The following DIAPH3 variants were observed in gnomAD, a reference collection of about 807,000 sequenced individuals.
DIAPH3 encodes diaphanous related formin 3.
Under a neutral mutation model 144.3 loss-of-function variants are expected in DIAPH3, and 117 were observed. That is an observed-to-expected ratio of 0.81 (90% CI 0.70 to 0.95). The LOEUF is 0.95. DIAPH3 is among the 40% of genes least tolerant of loss of function. The pLI is 0.00. For synonymous variants in DIAPH3, 519 were observed against 488.9 expected (o/e 1.06, Z -0.81); for missense variants, 1,421 against 1,412.7 (o/e 1.01, Z -0.09).
chr13:60,116,471 T>C (rs1030514715), intron 2 of DIAPH3, among the ~76,000 whole-genome samples: 7 of 152,016 alleles, frequency 4.6e-5, no homozygotes, highest in Non-Finnish European at 8.8e-5. Flanking sequence ...AAAAACTGTT[T>C]TAGGAAATGG....
At chr13:59,708,125 T>C (rs1267891802) in intron 27 of DIAPH3, among the ~76,000 whole-genome samples, 1 of 152,030 alleles carries the variant, frequency 6.6e-6, no homozygotes, top group East Asian at 1.9e-4. Context: ...TGCAGCAGCA[T>C]CACCATAGCT....
chr13:59,742,723 A>AAAAG (rs1555286615), intron 27 of DIAPH3, among the ~76,000 whole-genome samples: 3 of 151,450 alleles, frequency 2.0e-5, no homozygotes, highest in Admixed American at 1.3e-4. Flanking sequence ...GAAAAGAAAG[A>AAAAG]AAAGAAAGAA....
chr13:60,122,400 C>T (rs2138153644), intron 2 of DIAPH3, among the ~76,000 whole-genome samples: 1 of 152,302 alleles, frequency 6.6e-6, no homozygotes, highest in South Asian at 2.1e-4. Flanking sequence ...GTGCTTGCAT[C>T]ATATAATATG....
At chr13:59,873,929 C>T (rs1233445211) in intron 21 of DIAPH3, among the ~76,000 whole-genome samples, 1 of 152,062 alleles carries the variant, frequency 6.6e-6, no homozygotes, top group Non-Finnish European at 1.5e-5. Context: ...GCCTCAGCCT[C>T]GCAAAGTGCT....
At chr13:59,963,230 T>C (rs1200423030) in intron 17 of DIAPH3, among the ~76,000 whole-genome samples, 3 of 152,128 alleles carry the variant, frequency 2.0e-5, no homozygotes, top group African/African-American at 7.2e-5. Context: ...ACAGAATACA[T>C]TATAAGATCA....
chr13:59,863,294 T>A (rs1004644937), intron 21 of DIAPH3, among the ~76,000 whole-genome samples: 1 of 151,672 alleles, frequency 6.6e-6, no homozygotes, highest in Non-Finnish European at 1.5e-5. Context: ...AAAAAAAAAA[T>A]CAGTCTTTTC....
intron 3 of DIAPH3, among the ~76,000 whole-genome samples, chr13:60,107,457 A>T (rs1000674348): frequency 6.6e-6 from 1 of 151,676 alleles, no homozygotes. Flanking sequence ...TGTATAATTT[A>T]AAAAAAACAC....
intron 20 of DIAPH3, among the ~76,000 whole-genome samples, chr13:59,903,649 T>C (rs929319399): frequency 3.9e-5 from 6 of 152,074 alleles, no homozygotes; most frequent in African/African-American, 1.4e-4. Context: ...CACCAAGTTA[T>C]TGATTTCTTG....
intron 21 of DIAPH3, among the ~76,000 whole-genome samples, chr13:59,864,623 A>G (rs1190774635): frequency 6.6e-6 from 1 of 152,090 alleles, no homozygotes; most frequent in Non-Finnish European, 1.5e-5. Flanking sequence ...CTTGGTCTTT[A>G]TTTGTAAGCA....
chr13:59,998,873 T>C (rs947917722), intron 9 of DIAPH3, among the ~76,000 whole-genome samples: 1 of 152,080 alleles, frequency 6.6e-6, no homozygotes, highest in Admixed American at 6.6e-5. Flanking sequence ...TCAACAATGA[T>C]CCTAAAAATA....
chr13:59,846,630 CTATT>C (rs1164937454), intron 22 of DIAPH3, among the ~76,000 whole-genome samples: 1 of 151,886 alleles, frequency 6.6e-6, no homozygotes, highest in Non-Finnish European at 1.5e-5. Flanking sequence ...AAAATCTTGA[CTATT>C]AAGTAGGTCT....
intron 20 of DIAPH3, among the ~76,000 whole-genome samples, chr13:59,888,019 T>C (rs947759192): frequency 2.6e-5 from 4 of 152,142 alleles, no homozygotes; most frequent in Non-Finnish European, 4.4e-5. Context: ...ATACCCATGA[T>C]ATTTTTCATG....
intron 25 of DIAPH3, among the ~76,000 whole-genome samples, chr13:59,785,769 T>G (rs2039001330): frequency 6.6e-6 from 1 of 152,162 alleles, no homozygotes; most frequent in Non-Finnish European, 1.5e-5. Flanking sequence ...GAAGTGGCCG[T>G]GTGATGCATT....
At chr13:59,671,134 C>T (rs2032351121) in intron 27 of DIAPH3, among the ~76,000 whole-genome samples, 1 of 152,214 alleles carries the variant, frequency 6.6e-6, no homozygotes, top group Non-Finnish European at 1.5e-5. Flanking sequence ...CAAAAACATG[C>T]ACTTAGTTTC....
Position 60,077,767 on chromosome 13 carries a change from A to C in DIAPH3, c.495+15861T>G, listed in dbSNP as rs374061561. Among the ~76,000 whole-genome samples the C allele has an allele frequency of 5.9e-5, 9 of 152,190 alleles. No individual in the cohort carries two copies. The East Asian group carries it at 1.4e-3, about 23-fold the overall frequency. On this transcript the variant is annotated intron_variant, in intron 4 of 27. Coordinates refer to ENST00000400324, the MANE Select transcript of DIAPH3 (RefSeq NM_001042517.2). ...TCTGCCTTCGTGGAGCTTCTAGTTT[A>C]TCACATTAAAGAAAGCACATGATGC...
At chr13:60,005,865 T>C (rs1008051357) in intron 9 of DIAPH3, among the ~76,000 whole-genome samples, 2 of 152,150 alleles carry the variant, frequency 1.3e-5, no homozygotes, top group Admixed American at 6.6e-5. Context: ...ATTAAACCTG[T>C]ATCAAAACTT....
intron 20 of DIAPH3, among the ~76,000 whole-genome samples, chr13:59,903,366 A>G (rs2046555546): frequency 6.6e-6 from 1 of 152,192 alleles, no homozygotes; most frequent in Non-Finnish European, 1.5e-5. Context: ...ATCTTGGTCA[A>G]TGTTTTTTAT....
At chr13:59,802,673 T>TTTTA (rs2039992237) in intron 25 of DIAPH3, among the ~76,000 whole-genome samples, 2 of 50,364 alleles carry the variant, frequency 4.0e-5, no homozygotes, top group Non-Finnish European at 8.4e-5. Context: ...TATTATTTTT[T>TTTTA]TTTTTTTTTT....
chr13:59,712,578 C>A (rs2034808759), intron 27 of DIAPH3, among the ~76,000 whole-genome samples: 1 of 152,164 alleles, frequency 6.6e-6, no homozygotes, highest in Admixed American at 6.5e-5. Flanking sequence ...AGCTGGCTCC[C>A]ACACATATCT....
Sources: gnomAD v4.1 joint callset for allele counts (sites outside exome capture counted in the v4.1 genomes callset) on GRCh38, gnomAD v4.1.1 for gene constraint, MANE v1.5 for transcripts, NCBI Gene and HGNC (gene_info 2026-07-23, HGNC 2026-07-21) for gene names.